The following ANK3 variants were observed in gnomAD, a reference collection of about 807,000 sequenced individuals.
ANK3 encodes ankyrin-3.
Under a neutral mutation model 370.9 loss-of-function variants are expected in ANK3, and 57 were observed. The observed-to-expected ratio is 0.15, with a 90% CI of 0.12 to 0.19. The LOEUF (loss-of-function observed/expected upper bound fraction) is 0.19, where lower values mean the gene tolerates loss of function less well. Ranked by LOEUF, ANK3 falls within the 10% of genes least tolerant of loss-of-function variation. The pLI, the probability that ANK3 is intolerant of heterozygous loss-of-function variation, is 1.00. For missense variants in ANK3, 4,439 were observed against 5,302.1 expected (o/e 0.84, Z 5.06); for synonymous variants, 1,929 against 1,946.3 (o/e 0.99, Z 0.23).
intron 36 of ANK3, among the ~76,000 whole-genome samples, chr10:60,079,174 T>TACACACACACACACACACACACACACAC (rs58239281): frequency 6.1e-5 from 7 of 113,844 alleles, no homozygotes; most frequent in African/African-American, 1.4e-4. Context: ...GCTACCTAGC[T>TACACACACACACACACACACACACACAC]ACACACACAC....
At chr10:60,226,510 CATAGTATA>C (rs2097153497) in intron 8 of ANK3, among the ~76,000 whole-genome samples, 1 of 51,660 alleles carries the variant, frequency 1.9e-5, no homozygotes, top group Non-Finnish European at 3.2e-5. Flanking sequence ...AGTATATATA[CATAGTATA>C]TATACTATAG....
chr10:60,456,769 G>A (rs1345390810), intron 2 of ANK3, among the ~76,000 whole-genome samples: 1 of 152,016 alleles, frequency 6.6e-6, no homozygotes, highest in Admixed American at 6.6e-5. Context: ...CTCAAGTCCT[G>A]GCTTATGAAA....
At chr10:60,204,400 C>G (rs1157929044) in intron 11 of ANK3, among the ~76,000 whole-genome samples, 1 of 152,134 alleles carries the variant, frequency 6.6e-6, no homozygotes. Flanking sequence ...AAGAGGGTTC[C>G]TATGCACTGA....
At chr10:60,524,382 T>C (rs1472667247) in intron 2 of ANK3, among the ~76,000 whole-genome samples, 1 of 152,086 alleles carries the variant, frequency 6.6e-6, no homozygotes, top group Non-Finnish European at 1.5e-5. Context: ...TCTCACTGTA[T>C]AGCTCCCATA....
At chr10:60,220,814 G>A (rs2097037750) in intron 8 of ANK3, among the ~76,000 whole-genome samples, 1 of 152,190 alleles carries the variant, frequency 6.6e-6, no homozygotes, top group Non-Finnish European at 1.5e-5. Flanking sequence ...CGGGCCACCA[G>A]TCACTGATAT....
chr10:60,428,555 G>C (rs1159037963), intron 2 of ANK3, among the ~76,000 whole-genome samples: 4 of 152,190 alleles, frequency 2.6e-5, no homozygotes, highest in Non-Finnish European at 4.4e-5. Flanking sequence ...AGGGACGTAA[G>C]GCAGACGCCA....
At chr10:60,226,510 CATAG>C (rs2097153415) in intron 8 of ANK3, among the ~76,000 whole-genome samples, 6 of 51,664 alleles carry the variant, frequency 1.2e-4, no homozygotes, top group African/African-American at 3.9e-4. Context: ...AGTATATATA[CATAG>C]TATATATACT....
intron 7 of ANK3, among the ~76,000 whole-genome samples, chr10:60,243,236 T>C (rs939973255): frequency 6.6e-6 from 1 of 152,228 alleles, no homozygotes; most frequent in Non-Finnish European, 1.5e-5. Context: ...TACTTACTCA[T>C]ATCATAGTTG....
intron 1 of ANK3, among the ~76,000 whole-genome samples, chr10:60,292,064 T>C (rs1336828395): frequency 2.6e-5 from 4 of 152,210 alleles, no homozygotes. Flanking sequence ...CTTTATTTCA[T>C]TAGGATATTT....
Position 60,240,306 on chromosome 10 carries a change from A to ATTTT in ANK3, c.799-5524_799-5521dup, listed in dbSNP as rs1555186003. On this transcript the variant is annotated intron_variant, in intron 7 of 43. Coordinates refer to ENST00000280772, the MANE Select transcript of ANK3 (RefSeq NM_020987.5). ...CATATATATATATATATATATATAT[A>ATTTT]TTTTTTTTTCTTTTTGAGATAGAGT... Among the ~76,000 whole-genome samples, 216 of 119,746 alleles carry ATTTT rather than the reference A, an allele frequency of 1.8e-3. 8 individuals carry two copies. The highest frequency in any genetic ancestry group is 5.8e-3 in the African/African-American group (184 of 31,740). The allele number at this position is 119,746 out of a possible 152,430, so 78.6% of individuals were successfully genotyped here. A position where few individuals can be genotyped will look rare whatever the true frequency, so the allele number is the denominator to read the frequency against.
chr10:60,219,043 G>A (rs1408361723), intron 8 of ANK3, among the ~76,000 whole-genome samples: 2 of 151,290 alleles, frequency 1.3e-5, no homozygotes, highest in Non-Finnish European at 2.9e-5. Context: ...TTCAAATTCT[G>A]ATATCCTTTC....
intron 27 of ANK3, among the ~76,000 whole-genome samples, chr10:60,107,390 G>T (rs576690075): frequency 4.6e-5 from 7 of 152,244 alleles, no homozygotes; most frequent in African/African-American, 1.7e-4. Context: ...TAAGGAATGT[G>T]GCTTTATGTA....
intron 1 of ANK3, among the ~76,000 whole-genome samples, chr10:60,680,436 T>A (rs2079180495): frequency 6.6e-6 from 1 of 152,206 alleles, no homozygotes; most frequent in African/African-American, 2.4e-5. Context: ...GTTACCTCCA[T>A]GAAGATGTCA....
intron 2 of ANK3, among the ~76,000 whole-genome samples, chr10:60,510,157 A>G (rs2076043506): frequency 6.6e-6 from 1 of 152,094 alleles, no homozygotes; most frequent in Admixed American, 6.6e-5. Flanking sequence ...CCCTTACAAA[A>G]TATTTGCAAT....
At chr10:60,303,932 T>C (rs142125082) in intron 1 of ANK3, among the ~76,000 whole-genome samples, 2 of 151,440 alleles carry the variant, frequency 1.3e-5, no homozygotes, top group Non-Finnish European at 2.9e-5. Context: ...TATTTGATCA[T>C]AAAGAGAGAT....
intron 20 of ANK3, among the ~76,000 whole-genome samples, 170 bp from the exon 21 acceptor site, chr10:60,172,573 G>GCAAAGTCT (rs1195730984): frequency 3.3e-5 from 5 of 152,176 alleles, no homozygotes; most frequent in Non-Finnish European, 2.9e-5. Context: ...TGTTTGTACA[G>GCAAAGTCT]CAAAGTCTGG....
At chr10:60,713,251 A>C (rs984649368) in intron 1 of ANK3, among the ~76,000 whole-genome samples, 1 of 152,192 alleles carries the variant, frequency 6.6e-6, no homozygotes, top group African/African-American at 2.4e-5. Context: ...AAATCATACA[A>C]AGTATGCTCT....
chr10:60,421,387 C>A (rs755579360), intron 2 of ANK3, among the ~76,000 whole-genome samples: 1 of 151,790 alleles, frequency 6.6e-6, no homozygotes, highest in Admixed American at 6.6e-5. Context: ...TCTTAATAAA[C>A]GTGGGGGAGG....
chr10:60,282,121 C>T (rs1018290221), intron 1 of ANK3, among the ~76,000 whole-genome samples: 2 of 152,086 alleles, frequency 1.3e-5, no homozygotes, highest in African/African-American at 4.8e-5. Context: ...AGTGAATTTG[C>T]CCAGAAGGGC....
Sources: gnomAD v4.1 joint callset for allele counts (sites outside exome capture counted in the v4.1 genomes callset) on GRCh38, gnomAD v4.1.1 for gene constraint, MANE v1.5 for transcripts, NCBI Gene and HGNC (gene_info 2026-07-23, HGNC 2026-07-21) for gene names.